Variants in NKAIN2 observed in about 807,000 individuals in gnomAD.
NKAIN2 encodes sodium/potassium-transporting ATPase subunit beta-1-interacting protein 2.
In NKAIN2, 14 loss-of-function variants were observed where a neutral mutation model predicts 32.6. That is an observed-to-expected ratio of 0.43 (90% CI 0.28 to 0.67). The LOEUF is 0.67. NKAIN2 is among the 30% of genes least tolerant of loss of function. The pLI, the probability that NKAIN2 is intolerant of heterozygous loss-of-function variation, is 0.17. For missense variants in NKAIN2, 198 were observed against 258.3 expected (o/e 0.77, Z 1.60); for synonymous variants, 80 against 87.2 (o/e 0.92, Z 0.46).
chr6:124,276,762 CT>C (rs1186552152), intron 1 of NKAIN2, among the ~76,000 whole-genome samples: 6 of 152,132 alleles, frequency 3.9e-5, no homozygotes, highest in Non-Finnish European at 7.3e-5. Context: ...GTCTTTACAA[CT>C]TTCTTGGTCA....
intron 1 of NKAIN2, among the ~76,000 whole-genome samples, chr6:123,868,235 G>A (rs1772679554): frequency 1.3e-5 from 2 of 152,126 alleles, no homozygotes; most frequent in South Asian, 2.1e-4. Flanking sequence ...CTGGAGGCAT[G>A]GCTATGTCAT....
chr6:124,200,522 C>T (rs1258539616), intron 1 of NKAIN2, among the ~76,000 whole-genome samples: 3 of 152,022 alleles, frequency 2.0e-5, no homozygotes, highest in Admixed American at 2.0e-4. Context: ...ATTTCTGAAA[C>T]AAGTATATAT....
At chr6:124,162,655 A>G (rs1201989159) in intron 1 of NKAIN2, among the ~76,000 whole-genome samples, 1 of 152,080 alleles carries the variant, frequency 6.6e-6, no homozygotes, top group Admixed American at 6.6e-5. Context: ...ACAAACTCAA[A>G]CTGCCATAAG....
chr6:123,811,923 T>TA (rs34067039), intron 1 of NKAIN2, among the ~76,000 whole-genome samples: 27,353 of 152,122 alleles, frequency 0.18, 3,126 homozygotes, highest in East Asian at 0.58. Context: ...AAGTATTCAT[T>TA]AAAATGAAAC....
intron 3 of NKAIN2, among the ~76,000 whole-genome samples, chr6:124,622,199 C>T (rs929589512): frequency 6.6e-6 from 1 of 152,176 alleles, no homozygotes; most frequent in Non-Finnish European, 1.5e-5. Flanking sequence ...TGGCACAGTT[C>T]CGATCTCTGC....
chr6:124,071,056 A>G (rs1232906306), intron 1 of NKAIN2, among the ~76,000 whole-genome samples: 1 of 152,128 alleles, frequency 6.6e-6, no homozygotes, highest in Non-Finnish European at 1.5e-5. Flanking sequence ...ACATTTATTC[A>G]TTTTCTAAAA....
intron 1 of NKAIN2, among the ~76,000 whole-genome samples, chr6:124,016,598 G>C (rs1562310275): frequency 1.3e-5 from 2 of 152,012 alleles, no homozygotes; most frequent in East Asian, 3.9e-4. Flanking sequence ...TACTACTCTG[G>C]ACCACAGGCC....
At chr6:123,818,213 C>T (rs1172384841) in intron 1 of NKAIN2, among the ~76,000 whole-genome samples, 12 of 152,012 alleles carry the variant, frequency 7.9e-5, no homozygotes, top group South Asian at 2.1e-4. Flanking sequence ...AGGACAAACA[C>T]GTATTTCTGA....
chr6:123,932,261 C>A (rs1373859843), intron 1 of NKAIN2, among the ~76,000 whole-genome samples: 2 of 152,108 alleles, frequency 1.3e-5, no homozygotes, highest in Non-Finnish European at 2.9e-5. Context: ...TCCAGTGAGA[C>A]CCTCAATGTC....
At chr6:124,483,896 A>G (rs1165737290) in intron 3 of NKAIN2, among the ~76,000 whole-genome samples, 1 of 152,214 alleles carries the variant, frequency 6.6e-6, no homozygotes, top group African/African-American at 2.4e-5. Context: ...AAGAAGAAAA[A>G]CACAACTAAG....
At chr6:124,111,800 C>T (rs1268903462) in intron 1 of NKAIN2, among the ~76,000 whole-genome samples, 1 of 151,362 alleles carries the variant, frequency 6.6e-6, no homozygotes. Flanking sequence ...ATTGTTATGC[C>T]TCAATTAGTT....
At chr6:124,708,506 C>T (rs1298920051) in intron 4 of NKAIN2, among the ~76,000 whole-genome samples, 2 of 152,126 alleles carry the variant, frequency 1.3e-5, no homozygotes, top group African/African-American at 4.8e-5. Flanking sequence ...TTTGTATCCT[C>T]TTTTATTTCA....
At chr6:123,923,086 T>C (rs1162442672) in intron 1 of NKAIN2, among the ~76,000 whole-genome samples, 1 of 151,410 alleles carries the variant, frequency 6.6e-6, no homozygotes, top group African/African-American at 2.4e-5. Context: ...CTGGGGCCTG[T>C]AATAGTAACT....
chr6:124,712,165 G>GTCTGCCCGTTC (rs1249792894), intron 4 of NKAIN2, among the ~76,000 whole-genome samples: 3 of 151,284 alleles, frequency 2.0e-5, no homozygotes, highest in South Asian at 2.1e-4. Context: ...TGAGGAGGCA[G>GTCTGCCCGTTC]TCTGCCCGTT....
At chr6:124,294,423 C>A (rs571294344) in intron 2 of NKAIN2, among the ~76,000 whole-genome samples, 3 of 152,168 alleles carry the variant, frequency 2.0e-5, no homozygotes, top group South Asian at 2.1e-4. Flanking sequence ...TAATTATAAA[C>A]AATTATTTTT....
chr6:124,640,990 T>C (rs933970953), intron 3 of NKAIN2, among the ~76,000 whole-genome samples: 5 of 152,206 alleles, frequency 3.3e-5, no homozygotes. Context: ...AACTTTCTTC[T>C]GCAGTTGAGA....
rs188579313 is a variant in NKAIN2, at chr6:124,458,839, G to A, written c.273+103492G>A. Among the ~76,000 whole-genome samples the A allele has an allele frequency of 1.6e-3, 244 of 151,806 alleles. 2 individuals are homozygous for A. Among genetic ancestry groups the A allele is most frequent in the African/African-American group, 5.6e-3 (231 of 41,454 alleles). ...GACCTTTCCCCTGCCTACTAGGAGC[G>A]TGTTTTGAATTCTCACTATAGTCAT... is the stretch of plus-strand genomic sequence containing the variant. On this transcript the variant is annotated intron_variant, in intron 3 of 6. Coordinates refer to ENST00000368417, the MANE Select transcript of NKAIN2 (RefSeq NM_001040214.3).
At chr6:124,480,792 T>C (rs1777414127) in intron 3 of NKAIN2, among the ~76,000 whole-genome samples, 1 of 152,130 alleles carries the variant, frequency 6.6e-6, no homozygotes, top group Non-Finnish European at 1.5e-5. Flanking sequence ...ATATCTGAAA[T>C]TGATTGGCAG....
intron 4 of NKAIN2, among the ~76,000 whole-genome samples, chr6:124,700,871 GACACAC>G (rs143125409): frequency 2.1e-5 from 3 of 145,380 alleles, no homozygotes; most frequent in Non-Finnish European, 4.5e-5. Flanking sequence ...TCTCTTTCCT[GACACAC>G]ACACACACAC....
Sources: gnomAD v4.1 joint callset for allele counts (sites outside exome capture counted in the v4.1 genomes callset) on GRCh38, gnomAD v4.1.1 for gene constraint, MANE v1.5 for transcripts, NCBI Gene and HGNC (gene_info 2026-07-23, HGNC 2026-07-21) for gene names.